The following SLC30A9 variants were observed in gnomAD, a reference collection of about 807,000 sequenced individuals.
SLC30A9 encodes proton-coupled zinc antiporter SLC30A9, mitochondrial.
SLC30A9 carries 58 observed loss-of-function variants against 87.5 expected under a neutral mutation model. That is an observed-to-expected ratio of 0.66 (90% CI 0.54 to 0.82). The LOEUF is 0.82. Among genes scored for constraint, SLC30A9 ranks in the 40% least tolerant of loss-of-function variants. The pLI is 0.00. For missense variants in SLC30A9, 557 were observed against 679.1 expected, an observed-to-expected ratio of 0.82 and a Z score of 2.00; for synonymous variants, 234 against 233.0, an observed-to-expected ratio of 1.00 and a Z score of -0.04.
intron 6 of SLC30A9, chr4:42,029,508 T>G (rs1242837404): frequency 3.0e-6 from 2 of 675,458 alleles, no homozygotes; most frequent in Admixed American, 4.0e-5. Context: ...CCAAGCACTG[T>G]GAGGCATATG....
At chr4:42,035,412 C>T (rs1010967050) in intron 7 of SLC30A9, 79 bp downstream of exon 7, 2 of 1,495,414 alleles carry the variant, frequency 1.3e-6, no homozygotes, top group Non-Finnish European at 1.8e-6. Context: ...AAAATTCTAG[C>T]ATGTCTGTGA....
At chr4:42,083,142 A>G (rs997716458) in intron 17 of SLC30A9, among the ~76,000 whole-genome samples, 15 of 152,174 alleles carry the variant, frequency 9.9e-5, no homozygotes, top group African/African-American at 3.1e-4. Context: ...AATTCCTTAT[A>G]AATAATGGCT....
chr4:42,017,264 G>T (rs941188400), intron 2 of SLC30A9, among the ~76,000 whole-genome samples: 3 of 151,624 alleles, frequency 2.0e-5, no homozygotes, highest in African/African-American at 7.3e-5. Flanking sequence ...TTTTTCTAAT[G>T]GATTGTCATT....
chr4:42,084,269 T>C (rs928612732), intron 17 of SLC30A9, among the ~76,000 whole-genome samples: 1 of 152,188 alleles, frequency 6.6e-6, no homozygotes, highest in African/African-American at 2.4e-5. Flanking sequence ...TAGTATGTCT[T>C]TATTTATTGC....
At chr4:42,024,946 C>G (rs1014393163) in intron 6 of SLC30A9, among the ~76,000 whole-genome samples, 14 of 152,178 alleles carry the variant, frequency 9.2e-5, no homozygotes, top group African/African-American at 3.4e-4. Context: ...TAACCAAAAT[C>G]TAACCAAGTT....
chr4:42,074,764 T>C (rs1326365330), intron 15 of SLC30A9, among the ~76,000 whole-genome samples: 1 of 152,014 alleles, frequency 6.6e-6, no homozygotes, highest in Non-Finnish European at 1.5e-5. Flanking sequence ...ATTTTATATA[T>C]GTATTAGCTC....
intron 7 of SLC30A9, among the ~76,000 whole-genome samples, chr4:42,036,208 A>G (rs1716671109): frequency 6.6e-6 from 1 of 152,146 alleles, no homozygotes; most frequent in Non-Finnish European, 1.5e-5. Flanking sequence ...TTTACTCTTC[A>G]GCTGTTGACT....
chr4:42,010,053 G>A (rs2153134006), intron 2 of SLC30A9, among the ~76,000 whole-genome samples: 1 of 152,282 alleles, frequency 6.6e-6, no homozygotes, highest in East Asian at 1.9e-4. Flanking sequence ...AAGGTCAAAT[G>A]TAGTTACTAA....
intron 17 of SLC30A9, among the ~76,000 whole-genome samples, chr4:42,084,235 A>G (rs1446237208): frequency 6.6e-6 from 1 of 152,156 alleles, no homozygotes. Flanking sequence ...TTATATTTTA[A>G]GAGATAACCA....
At chr4:42,047,073 AT>A (rs1717189454) in intron 8 of SLC30A9, among the ~76,000 whole-genome samples, 1 of 152,252 alleles carries the variant, frequency 6.6e-6, no homozygotes, top group Non-Finnish European at 1.5e-5. Flanking sequence ...TTATACAAAA[AT>A]TAACTCAAGA....
At chr4:42,003,392 A>T (rs1169586942) in intron 2 of SLC30A9, among the ~76,000 whole-genome samples, 1 of 152,060 alleles carries the variant, frequency 6.6e-6, no homozygotes. Context: ...ACCAAGGGAG[A>T]TGTTGGAGTA....
intron 1 of SLC30A9, among the ~76,000 whole-genome samples, chr4:41,995,445 G>C (rs16853877): frequency 0.024 from 3,581 of 152,142 alleles, 150 homozygotes; most frequent in African/African-American, 0.082. Context: ...ATAGTGTAGT[G>C]CTGAACGAGG....
At chr4:42,049,627 A>G in intron 9 of SLC30A9, 148 bp downstream of exon 9, 1 of 465,892 alleles carries the variant, frequency 2.1e-6, no homozygotes, top group Non-Finnish European at 3.8e-6. Flanking sequence ...TGAAGTGCAT[A>G]GAAATTTAAT....
At chr4:42,077,054 T>C (rs528602441) in intron 16 of SLC30A9, among the ~76,000 whole-genome samples, 1 of 152,256 alleles carries the variant, frequency 6.6e-6, no homozygotes, top group South Asian at 2.1e-4. Flanking sequence ...GTATGGTGTA[T>C]ATATAGATAG....
intron 11 of SLC30A9, among the ~76,000 whole-genome samples, chr4:42,063,940 C>G (rs1242830394): frequency 2.0e-5 from 3 of 152,134 alleles, no homozygotes; most frequent in Non-Finnish European, 4.4e-5. Flanking sequence ...TAAAAGACTC[C>G]TAGGGACCTG....
intron 12 of SLC30A9, among the ~76,000 whole-genome samples, chr4:42,065,813 G>A (rs1162728344): frequency 3.9e-5 from 6 of 152,140 alleles, no homozygotes; most frequent in African/African-American, 1.2e-4. Flanking sequence ...GTTACTTGCC[G>A]ATTCACTAAA....
chr4:42,076,961 C>CAAA (rs36152706), intron 16 of SLC30A9, among the ~76,000 whole-genome samples: 3 of 29,650 alleles, frequency 1.0e-4, no homozygotes, highest in African/African-American at 1.5e-4. Flanking sequence ...GACTCCGTCT[C>CAAA]AAAAAAAAAA....
intron 15 of SLC30A9, among the ~76,000 whole-genome samples, chr4:42,073,326 T>C (rs373297549): frequency 6.6e-6 from 1 of 152,168 alleles, no homozygotes; most frequent in East Asian, 1.9e-4. Context: ...AAGTAATGTC[T>C]AAAAAAGAGC....
At chr4:42,038,959 T>A in intron 7 of SLC30A9, 27 bp from the exon 8 acceptor site, 12 of 1,597,154 alleles carry the variant, frequency 7.5e-6, no homozygotes, top group Non-Finnish European at 1.0e-5. Flanking sequence ...TTTGGAGGTA[T>A]TAAAAAAAGT....
Sources: gnomAD v4.1 joint callset for allele counts (sites outside exome capture counted in the v4.1 genomes callset) on GRCh38, gnomAD v4.1.1 for gene constraint, MANE v1.5 for transcripts, NCBI Gene and HGNC (gene_info 2026-07-23, HGNC 2026-07-21) for gene names.